Variants in CUX1 observed in about 807,000 individuals in gnomAD.
CUX1 encodes the protein cut like homeobox 1.
Under a neutral mutation model 158.8 loss-of-function variants are expected in CUX1, and 31 were observed. The observed-to-expected ratio is 0.20, with a 90% CI of 0.15 to 0.26. CUX1 has a LOEUF of 0.26. CUX1 is among the 10% of genes least tolerant of loss of function. CUX1 has a pLI of 1.00. For missense variants in CUX1, 1,589 were observed against 2,014.6 expected, an observed-to-expected ratio of 0.79 and a Z score of 4.04; for synonymous variants, 879 against 862.1, an observed-to-expected ratio of 1.02 and a Z score of -0.34.
rs59324904 is a variant in CUX1 at position 101,853,584 on chromosome 7, G to GGTGTGTGT, written c.30+35946_30+35953dup. Among the ~76,000 whole-genome samples, 853 of 140,862 alleles carry GGTGTGTGT rather than the reference G, an allele frequency of 6.1e-3. 5 individuals are homozygous for GGTGTGTGT. The highest frequency in any genetic ancestry group is 6.9e-3 in the African/African-American group (255 of 36,714). 92.4% of individuals were successfully genotyped at this position (140,862 alleles called of 152,430 possible). ...TATATCAGAGCATGGCAATAGAAAG[G>GGTGTGTGT]GTGTGTGTGTGTGTGTGTGTGTGTG... On this transcript the variant is annotated intron_variant, in intron 1 of 23. Transcript: ENST00000292535.
Position 102,248,376 on chromosome 7 carries a change from A to ATC in CUX1, c.3888-36_3888-35insTC. On this transcript the variant is annotated intron_variant, in intron 23 of 23. Coordinates refer to ENST00000292535, the MANE Select transcript of CUX1 (RefSeq NM_181552.4). This position sits in a 1 kb window ranked among gnomAD's most constrained non-coding sequence, Gnocchi z 5.8. ...CACCAGAGGCCCTTTCCCCAGCAGC[A>ATC]CCCCCCTCACGTCCCCGCCGCTTGT... 6.5e-7 allele frequency: 1 copy of ATC among 1,535,828 alleles called. No homozygotes were observed. Among genetic ancestry groups the ATC allele is most frequent in the Non-Finnish European group, 8.7e-7 (1 of 1,144,718 alleles).
chr7:102,273,733 C>T (rs144977462), intron 15 of CUX1, among the ~76,000 whole-genome samples: 1 of 152,348 alleles, frequency 6.6e-6, no homozygotes, highest in Non-Finnish European at 1.5e-5. Context: ...CACAGAGGCC[C>T]GTCTTTCCAG....
At chr7:101,825,073 G>T (rs1391301830) in intron 1 of CUX1, among the ~76,000 whole-genome samples, 1 of 152,190 alleles carries the variant, frequency 6.6e-6, no homozygotes, top group Non-Finnish European at 1.5e-5. Flanking sequence ...TGTCCTCGCC[G>T]AGAGCGTAGT....
At chr7:102,182,047 C>T (rs1479681651) in intron 11 of CUX1, among the ~76,000 whole-genome samples, 1 of 152,222 alleles carries the variant, frequency 6.6e-6, no homozygotes, top group Non-Finnish European at 1.5e-5. Flanking sequence ...TTCCTGTCCC[C>T]TTCCCCTCTT....
At chr7:102,070,034 G>A (rs949013453) in intron 3 of CUX1, among the ~76,000 whole-genome samples, 2 of 152,180 alleles carry the variant, frequency 1.3e-5, no homozygotes, top group African/African-American at 4.8e-5. Flanking sequence ...CAGCTCTTAA[G>A]TCAGCATTTG....
chr7:101,837,576 C>T (rs922780386), intron 1 of CUX1, among the ~76,000 whole-genome samples: 1 of 151,972 alleles, frequency 6.6e-6, no homozygotes, highest in Non-Finnish European at 1.5e-5. Flanking sequence ...TGCCTGTAAT[C>T]CCAGGACTTT....
At chr7:101,860,607 T>G (rs1409075150) in intron 1 of CUX1, among the ~76,000 whole-genome samples, 2 of 152,190 alleles carry the variant, frequency 1.3e-5, no homozygotes, top group Non-Finnish European at 2.9e-5. Context: ...TTTGTGAGCC[T>G]CAGTTTCTTC....
downstream of CUX1, among the ~76,000 whole-genome samples, chr7:102,260,970 A>AGGCCT (rs1278465412): frequency 3.3e-5 from 5 of 152,342 alleles, no homozygotes; most frequent in East Asian, 9.6e-4. Context: ...GAGGTGGCAG[A>AGGCCT]GGCCTGGGCC....
intron 8 of CUX1, among the ~76,000 whole-genome samples, chr7:102,135,232 T>A (rs1554498415): frequency 2.6e-5 from 4 of 152,158 alleles, no homozygotes; most frequent in Admixed American, 6.6e-5. Flanking sequence ...CCGATTAAGA[T>A]GTTTTGTAAG....
intron 21 of CUX1, among the ~76,000 whole-genome samples, chr7:102,228,709 A>C (rs1395872946): frequency 6.6e-6 from 1 of 152,066 alleles, no homozygotes; most frequent in Non-Finnish European, 1.5e-5. Context: ...GAAGCAGGAG[A>C]ATCGTTTGAA....
chr7:102,197,887 C>G (rs2131993083), intron 15 of CUX1, among the ~76,000 whole-genome samples: 1 of 152,194 alleles, frequency 6.6e-6, no homozygotes, highest in African/African-American at 2.4e-5. Flanking sequence ...GTAAAATACA[C>G]AAAAGTTTTA....
intron 22 of CUX1, 62 bp from the exon 23 acceptor site, chr7:102,239,258 T>G (rs1799910156): frequency 7.1e-6 from 11 of 1,540,164 alleles, no homozygotes; most frequent in Non-Finnish European, 9.6e-6. Flanking sequence ...CTAGCGGGAC[T>G]GGGGATTTGG....
intron 14 of CUX1, 66 bp downstream of exon 14, chr7:102,195,669 G>A: frequency 1.4e-6 from 2 of 1,429,536 alleles, no homozygotes; most frequent in Non-Finnish European, 1.9e-6. Flanking sequence ...TCGAGGACGA[G>A]GAAGGTGAAT....
chr7:102,231,349 A>G (rs1282427917), intron 21 of CUX1, among the ~76,000 whole-genome samples: 3 of 150,802 alleles, frequency 2.0e-5, no homozygotes, highest in Non-Finnish European at 3.0e-5. Context: ...TTTTAAATAG[A>G]GATGGGGTTT....
At chr7:101,913,155 A>C (rs767695571) in intron 1 of CUX1, 9 of 247,852 alleles carry the variant, frequency 3.6e-5, no homozygotes, top group Non-Finnish European at 7.5e-5. Flanking sequence ...TTGTTTTTTA[A>C]AAAAATTTTC....
chr7:101,943,023 G>A lies in CUX1; in HGVS notation c.141+26798G>A, dbSNP rs981046059. ...ACACCCATGTTCGTTGTGGCTTAGCGCCATGCACACAGGTACCTAGTGGAT... is the reference window on the plus strand; with the variant it reads ...ACACCCATGTTCGTTGTGGCTTAGCACCATGCACACAGGTACCTAGTGGAT... On this transcript the variant is annotated intron_variant, in intron 2 of 23. Transcript: ENST00000292535. 1.2e-4 allele frequency among the ~76,000 whole-genome samples: 18 copies of A among 149,440 alleles called. 1 individual carries two copies. The highest frequency in any genetic ancestry group is 3.5e-4 in the African/African-American group (14 of 40,378).
At chr7:101,972,142 A>AT (rs1410543227) in intron 2 of CUX1, among the ~76,000 whole-genome samples, 1 of 151,902 alleles carries the variant, frequency 6.6e-6, no homozygotes, top group Non-Finnish European at 1.5e-5. Context: ...AATTTTTTGT[A>AT]TTTTTAGTAG....
chr7:101,979,829 T>A (rs1342178672), intron 2 of CUX1, among the ~76,000 whole-genome samples: 1 of 152,158 alleles, frequency 6.6e-6, no homozygotes, highest in Non-Finnish European at 1.5e-5. Flanking sequence ...TTTGTATTTT[T>A]AATAGAGATA....
At chr7:101,817,109 C>T, upstream of CUX1, 3 of 984,460 alleles carry the variant, frequency 3.0e-6, no homozygotes, top group Non-Finnish European at 3.6e-6. The surrounding 1 kb of genome is among the most constrained non-coding windows in gnomAD (Gnocchi z 4.1). Flanking sequence ...CGCTGGGTCC[C>T]GGTGTCCCGG....
Sources: allele counts gnomAD v4.1 joint callset (sites outside exome capture counted in the v4.1 genomes callset), GRCh38; gene constraint gnomAD v4.1.1; non-coding constraint Gnocchi (gnomAD v3.1); transcripts MANE v1.5; gene names NCBI Gene and HGNC (gene_info 2026-07-23, HGNC 2026-07-21).